Variants in PEX5L observed in about 807,000 individuals in gnomAD.
The protein encoded by PEX5L is peroxisomal biogenesis factor 5 like.
In PEX5L, 30 loss-of-function variants were observed where a neutral mutation model predicts 84.0. The observed-to-expected ratio is 0.36, with a 90% CI of 0.27 to 0.48. The LOEUF (loss-of-function observed/expected upper bound fraction) is 0.48. Ranked by LOEUF, PEX5L falls within the 20% of genes least tolerant of loss-of-function variation. The probability of loss-of-function intolerance (pLI) is 0.99; values close to 1 mark genes in which losing one functional copy is unlikely to be tolerated. For missense variants in PEX5L, 533 were observed against 754.6 expected (o/e 0.71, Z 3.44); for synonymous variants, 270 against 283.1 (o/e 0.95, Z 0.46).
At position 179,843,510 on chromosome 3, in the gene PEX5L, C is replaced by T. The variant is rs76493891; in HGVS notation, c.822+15552G>A. The stretch of plus-strand genomic sequence containing the variant: ...GGCAGCAAGTAGTGGAGAACTAGAA[C>T]CTGTCTCCTGACCCTGATCTAATAC... On this transcript the variant is annotated intron_variant, in intron 8 of 14. Coordinates refer to ENST00000467460, the MANE Select transcript of PEX5L (RefSeq NM_016559.3). Among the ~76,000 whole-genome samples the T allele has an allele frequency of 9.7e-3, 1,478 of 152,306 alleles. 11 individuals carry two copies. The highest frequency in any genetic ancestry group is 0.027 in the Middle Eastern group (8 of 294).
At chr3:179,870,704 G>C (rs1287053789) in intron 7 of PEX5L, among the ~76,000 whole-genome samples, 1 of 152,068 alleles carries the variant, frequency 6.6e-6, no homozygotes, top group East Asian at 1.9e-4. Flanking sequence ...AATCATCTGG[G>C]CCTTCCCTGA....
chr3:180,022,186 T>A (rs1193221331), intron 1 of PEX5L, among the ~76,000 whole-genome samples: 2 of 152,226 alleles, frequency 1.3e-5, no homozygotes, highest in Non-Finnish European at 2.9e-5. Flanking sequence ...CTGATTTTTA[T>A]AATGTTACTT....
chr3:179,809,697 A>ATT, intron 11 of PEX5L, 29 bp from the exon 12 acceptor site: 1 of 1,490,346 alleles, frequency 6.7e-7, no homozygotes, highest in South Asian at 1.2e-5. Flanking sequence ...CCAATTTCAG[A>ATT]TTTTTTTTTG....
intron 4 of PEX5L, among the ~76,000 whole-genome samples, chr3:179,883,873 C>A (rs192282052): frequency 6.6e-6 from 1 of 152,300 alleles, no homozygotes; most frequent in East Asian, 1.9e-4. Flanking sequence ...ATCTACAGCT[C>A]TTGGAACAGC....
chr3:179,881,883 G>T (rs1403591662), intron 4 of PEX5L, among the ~76,000 whole-genome samples: 1 of 152,220 alleles, frequency 6.6e-6, no homozygotes, highest in African/African-American at 2.4e-5. Flanking sequence ...GATGCCCTGA[G>T]ATACGAGGGA....
At chr3:179,810,273 C>T (rs915164723) in intron 11 of PEX5L, among the ~76,000 whole-genome samples, 1 of 151,994 alleles carries the variant, frequency 6.6e-6, no homozygotes, top group Non-Finnish European at 1.5e-5. Context: ...TCCCAAAATG[C>T]TGGGATTACA....
At chr3:179,891,600 A>G (rs931511413) in intron 3 of PEX5L, among the ~76,000 whole-genome samples, 1 of 152,186 alleles carries the variant, frequency 6.6e-6, no homozygotes, top group Non-Finnish European at 1.5e-5. Context: ...CTATGTCTAA[A>G]AGGGGTTCAA....
At chr3:179,820,105 T>C (rs1469064360) in intron 8 of PEX5L, 129 bp from the exon 9 acceptor site, 22 of 1,326,416 alleles carry the variant, frequency 1.7e-5, no homozygotes, top group African/African-American at 1.5e-5. Flanking sequence ...ATCCAACTGA[T>C]AGGCGTGGCT....
rs191899883 is a variant in PEX5L, at chr3:179,817,825, T to C, written c.940-1821A>G. Among the ~76,000 whole-genome samples the C allele has an allele frequency of 1.8e-4, 28 of 152,108 alleles. No homozygotes were observed. The East Asian group carries it at 2.1e-3, about 12-fold the overall frequency. ...AGCCACAGGGTGTGACTGGCTTATGTGGGGTTAGTGTGGGTATGGGGTTCT... is the reference window on the plus strand; with the variant it reads ...AGCCACAGGGTGTGACTGGCTTATGCGGGGTTAGTGTGGGTATGGGGTTCT... On this transcript the variant is annotated intron_variant, in intron 9 of 14. Coordinates refer to ENST00000467460, the MANE Select transcript of PEX5L (RefSeq NM_016559.3).
intron 1 of PEX5L, among the ~76,000 whole-genome samples, chr3:180,000,261 G>A (rs1788273120): frequency 6.6e-6 from 1 of 152,198 alleles, no homozygotes. Context: ...GGCTAAGAAT[G>A]GAGTTACAGT....
chr3:179,850,987 A>G (rs550963797), intron 8 of PEX5L, among the ~76,000 whole-genome samples: 1 of 152,326 alleles, frequency 6.6e-6, no homozygotes, highest in South Asian at 2.1e-4. Flanking sequence ...CAATAACTTG[A>G]TATTTCTGAG....
At chr3:179,861,501 A>G (rs531124428) in intron 7 of PEX5L, among the ~76,000 whole-genome samples, 3 of 152,364 alleles carry the variant, frequency 2.0e-5, no homozygotes, top group Admixed American at 1.3e-4. Context: ...TGAGGCGCCT[A>G]CAGGGGTGTC....
intron 1 of PEX5L, among the ~76,000 whole-genome samples, chr3:180,020,913 T>C (rs1443451184): frequency 6.6e-6 from 1 of 152,176 alleles, no homozygotes; most frequent in African/African-American, 2.4e-5. Flanking sequence ...CTTTATTTAA[T>C]CCAACATGTA....
chr3:179,971,050 T>C (rs1274360092), intron 2 of PEX5L, among the ~76,000 whole-genome samples: 1 of 152,136 alleles, frequency 6.6e-6, no homozygotes, highest in Non-Finnish European at 1.5e-5. Context: ...AAGCTAGTGG[T>C]TTCTCAAATT....
intron 7 of PEX5L, among the ~76,000 whole-genome samples, chr3:179,865,375 A>G (rs960417442): frequency 1.3e-5 from 2 of 152,292 alleles, no homozygotes; most frequent in Middle Eastern, 3.4e-3. Flanking sequence ...CAGTTTTCGA[A>G]TAGCGATTAG....
At chr3:179,898,602 C>T (rs1447540653) in intron 2 of PEX5L, among the ~76,000 whole-genome samples, 1 of 152,074 alleles carries the variant, frequency 6.6e-6, no homozygotes, top group South Asian at 2.1e-4. Context: ...ATTATTACTA[C>T]ATAATTCCTA....
intron 8 of PEX5L, among the ~76,000 whole-genome samples, chr3:179,832,744 G>A (rs185285186): frequency 1.5e-5 from 2 of 133,124 alleles, no homozygotes; most frequent in African/African-American, 5.8e-5. Flanking sequence ...ACCTACCCAC[G>A]TACCTACCTA....
At chr3:179,823,469 G>T (rs976829747) in intron 8 of PEX5L, among the ~76,000 whole-genome samples, 2 of 152,118 alleles carry the variant, frequency 1.3e-5, no homozygotes, top group African/African-American at 4.8e-5. Flanking sequence ...AGAGAAAGGC[G>T]CTGTATAACT....
intron 7 of PEX5L, among the ~76,000 whole-genome samples, 198 bp downstream of exon 7, chr3:179,874,129 A>G (rs1274869081): frequency 8.8e-6 from 1 of 114,206 alleles, no homozygotes; most frequent in East Asian, 4.2e-4. Context: ...ATGTGTAGAT[A>G]TACATATATA....
Sources: gnomAD v4.1 joint callset for allele counts (sites outside exome capture counted in the v4.1 genomes callset) on GRCh38, gnomAD v4.1.1 for gene constraint, MANE v1.5 for transcripts, NCBI Gene and HGNC (gene_info 2026-07-23, HGNC 2026-07-21) for gene names.